The following DIP2C variants were observed in gnomAD, a reference collection of about 807,000 sequenced individuals.
The protein encoded by DIP2C is disco-interacting protein 2 homolog C.
Under a neutral mutation model 192.4 loss-of-function variants are expected in DIP2C, and 33 were observed. The observed-to-expected ratio is 0.17, with a 90% CI of 0.13 to 0.23. The LOEUF is 0.23. DIP2C is among the 10% of genes least tolerant of loss of function. The pLI is 1.00. For missense variants in DIP2C, 1,537 were observed against 2,110.1 expected (o/e 0.73, Z 5.32); for synonymous variants, 979 against 864.1 (o/e 1.13, Z -2.33).
chr10:431,300 T>C (rs1966853280), intron 4 of DIP2C, among the ~76,000 whole-genome samples: 1 of 152,234 alleles, frequency 6.6e-6, no homozygotes, highest in Non-Finnish European at 1.5e-5. Context: ...CTTGACAATA[T>C]TCAGTTTTCC....
intron 31 of DIP2C, among the ~76,000 whole-genome samples, chr10:315,536 C>T (rs1191994424): frequency 6.6e-6 from 1 of 152,214 alleles, no homozygotes; most frequent in Non-Finnish European, 1.5e-5. Context: ...TGGCTTCCAG[C>T]ACTTCTGATG....
chr10:443,473 G>GGA (rs1455467107), intron 3 of DIP2C, among the ~76,000 whole-genome samples: 1 of 152,144 alleles, frequency 6.6e-6, no homozygotes, highest in Non-Finnish European at 1.5e-5. Flanking sequence ...TATGGTGTTT[G>GGA]GAAGCTAAGA....
At chr10:459,668 T>A (rs1265463726) in intron 3 of DIP2C, among the ~76,000 whole-genome samples, 2 of 145,428 alleles carry the variant, frequency 1.4e-5, no homozygotes, top group African/African-American at 5.2e-5. Flanking sequence ...CCCAGTCACA[T>A]CAGGGAACGG....
chr10:348,692 C>T lies in DIP2C; in HGVS notation c.3180G>A (p.Pro1060=), dbSNP rs146207311. The part of the protein sequence containing the change: ...AGCVPITVRP[P]HPQNIATTLP... ...ACGTCGTCGCGATGTTCTGTGGGTG[C>T]GGGGGACGGACGGTTATTGGCACAC... Residue 1060 remains proline, a synonymous_variant, in exon 26 of 37, where the codon CCG becomes CCA. Coordinates refer to ENST00000280886, the MANE Select transcript of DIP2C (RefSeq NM_014974.3). 3.1e-4 allele frequency: 506 copies of T among 1,613,814 alleles called. 2 individuals carry two copies. The African/African-American group carries it at 6.2e-3, about 20-fold the overall frequency.
intron 1 of DIP2C, among the ~76,000 whole-genome samples, chr10:586,502 C>A (rs1851036901): frequency 6.6e-6 from 1 of 152,108 alleles, no homozygotes; most frequent in Non-Finnish European, 1.5e-5. Flanking sequence ...AGTCCCGCTT[C>A]ATGGTAAACC....
intron 17 of DIP2C, among the ~76,000 whole-genome samples, chr10:380,215 AT>A (rs1374767528): frequency 6.6e-6 from 1 of 150,526 alleles, no homozygotes; most frequent in Non-Finnish European, 1.5e-5. Context: ...CTCTCCCTGG[AT>A]GATGGTTAAG....
chr10:576,595 G>C (rs886866579), intron 1 of DIP2C, among the ~76,000 whole-genome samples: 4 of 152,170 alleles, frequency 2.6e-5, no homozygotes, highest in African/African-American at 9.7e-5. Flanking sequence ...CTATCATTGA[G>C]ACTGAATAAC....
chr10:338,819 C>T (rs936670938), intron 29 of DIP2C, among the ~76,000 whole-genome samples: 4 of 150,174 alleles, frequency 2.7e-5, no homozygotes, highest in Non-Finnish European at 5.9e-5. Flanking sequence ...GCTCCCACAG[C>T]CCACGCCACC....
chr10:446,561 CT>C (rs1968238347), intron 3 of DIP2C, among the ~76,000 whole-genome samples: 1 of 152,210 alleles, frequency 6.6e-6, no homozygotes, highest in Non-Finnish European at 1.5e-5. Context: ...AAGTCTGTGC[CT>C]TTTAGTTCTC....
chr10:351,325 G>A (rs1055560158), intron 24 of DIP2C, among the ~76,000 whole-genome samples: 3 of 152,208 alleles, frequency 2.0e-5, no homozygotes, highest in Non-Finnish European at 4.4e-5. Flanking sequence ...GCATCAAGAT[G>A]TGAACACCTG....
intron 1 of DIP2C, among the ~76,000 whole-genome samples, chr10:614,770 G>C (rs573737871): frequency 6.6e-6 from 1 of 152,238 alleles, no homozygotes; most frequent in Admixed American, 6.5e-5. Flanking sequence ...TCCCTTGCCG[G>C]GTATCGCGGC....
intron 1 of DIP2C, among the ~76,000 whole-genome samples, chr10:585,236 T>TC (rs751759969): frequency 6.6e-6 from 1 of 152,148 alleles, no homozygotes; most frequent in South Asian, 2.1e-4. Context: ...GAGCAAGCGT[T>TC]CCCCATCCCA....
At chr10:619,775 G>A (rs1175485127) in intron 1 of DIP2C, among the ~76,000 whole-genome samples, 2 of 152,146 alleles carry the variant, frequency 1.3e-5, no homozygotes, top group East Asian at 3.9e-4. Flanking sequence ...TGGGCCCAGG[G>A]ACCGGCAGGC....
intron 10 of DIP2C, among the ~76,000 whole-genome samples, chr10:392,790 C>T (rs1442837248): frequency 6.6e-6 from 1 of 151,570 alleles, no homozygotes; most frequent in Non-Finnish European, 1.5e-5. Context: ...CGCGCCCATG[C>T]ACACACGCGG....
intron 32 of DIP2C, among the ~76,000 whole-genome samples, chr10:292,655 G>C (rs1056370325): frequency 6.6e-6 from 1 of 152,222 alleles, no homozygotes; most frequent in African/African-American, 2.4e-5. Context: ...AGGTCTGTGA[G>C]GTCTTCATTC....
intron 3 of DIP2C, among the ~76,000 whole-genome samples, chr10:469,962 G>A (rs914749430): frequency 2.6e-5 from 4 of 152,206 alleles, no homozygotes; most frequent in Non-Finnish European, 5.9e-5. Context: ...CCTGGCCTGT[G>A]TGGACCTCGT....
At chr10:406,744 T>TA (rs1203403607) in intron 9 of DIP2C, among the ~76,000 whole-genome samples, 1 of 152,052 alleles carries the variant, frequency 6.6e-6, no homozygotes, top group Non-Finnish European at 1.5e-5. Flanking sequence ...TGCATGACCC[T>TA]AAAGGGGTCA....
intron 1 of DIP2C, among the ~76,000 whole-genome samples, chr10:670,375 C>A (rs370754908): frequency 0.011 from 1,735 of 152,244 alleles, 27 homozygotes; most frequent in African/African-American, 0.04. Flanking sequence ...CACATGCACA[C>A]ACATGCATGT....
chr10:543,922 C>T (rs1848138285), intron 1 of DIP2C, among the ~76,000 whole-genome samples: 1 of 152,284 alleles, frequency 6.6e-6, no homozygotes. Context: ...CTGCTTCCTT[C>T]CGCCAGCCCC....
Sources: allele counts gnomAD v4.1 joint callset (sites outside exome capture counted in the v4.1 genomes callset), GRCh38; gene constraint gnomAD v4.1.1; transcripts MANE v1.5; gene names NCBI Gene and HGNC (gene_info 2026-07-23, HGNC 2026-07-21).